Variants in HHIP observed in about 807,000 individuals in gnomAD.
HHIP encodes hedgehog interacting protein.
Under a neutral mutation model 74.0 loss-of-function variants are expected in HHIP, and 12 were observed. That is an observed-to-expected ratio of 0.16 (90% CI 0.10 to 0.26). The LOEUF (loss-of-function observed/expected upper bound fraction) is 0.26, where lower values mean the gene tolerates loss of function less well. Among genes scored for constraint, HHIP ranks in the 10% least tolerant of loss-of-function variants. HHIP has a pLI of 1.00. For synonymous variants in HHIP, 309 were observed against 311.6 expected (o/e 0.99, Z 0.09); for missense variants, 788 against 845.0 (o/e 0.93, Z 0.84).
At chr4:144,708,987 G>T (rs1164369317) in intron 7 of HHIP, among the ~76,000 whole-genome samples, 1 of 152,098 alleles carries the variant, frequency 6.6e-6, no homozygotes, top group Non-Finnish European at 1.5e-5. Flanking sequence ...TGGGAAATTT[G>T]GGGTACATTT....
chr4:144,729,114 C>A (rs1008974488), intron 11 of HHIP, among the ~76,000 whole-genome samples: 1 of 152,142 alleles, frequency 6.6e-6, no homozygotes, highest in Non-Finnish European at 1.5e-5. Context: ...AAAAAGATGA[C>A]ACAGCAAGTA....
chr4:144,703,255 T>G (rs531775382), intron 4 of HHIP, among the ~76,000 whole-genome samples: 2 of 152,256 alleles, frequency 1.3e-5, no homozygotes, highest in African/African-American at 4.8e-5. Flanking sequence ...AGTGTCTTTT[T>G]GAAAGGCAAG....
intron 11 of HHIP, among the ~76,000 whole-genome samples, chr4:144,730,140 G>A (rs1730914307): frequency 6.6e-6 from 1 of 152,066 alleles, no homozygotes; most frequent in Admixed American, 6.6e-5. Flanking sequence ...ACCTCTAATG[G>A]ATGTTATAAA....
chr4:144,718,458 C>G (rs1169806748), intron 10 of HHIP, among the ~76,000 whole-genome samples: 1 of 152,142 alleles, frequency 6.6e-6, no homozygotes, highest in Non-Finnish European at 1.5e-5. Flanking sequence ...TCAGGACTTG[C>G]TTTTGCTCTG....
intron 2 of HHIP, among the ~76,000 whole-genome samples, chr4:144,656,420 G>C (rs570042583): frequency 2.0e-5 from 3 of 152,032 alleles, no homozygotes; most frequent in Admixed American, 2.0e-4. Context: ...TAGATATTCC[G>C]TTTGAAAATG....
chr4:144,649,359 T>C (rs560711933), intron 1 of HHIP, among the ~76,000 whole-genome samples: 3 of 152,272 alleles, frequency 2.0e-5, no homozygotes, highest in Non-Finnish European at 4.4e-5. Flanking sequence ...AATATTAGCA[T>C]GCTCAGCTAT....
intron 12 of HHIP, among the ~76,000 whole-genome samples, chr4:144,736,952 A>G (rs990104401): frequency 6.6e-6 from 1 of 152,110 alleles, no homozygotes; most frequent in African/African-American, 2.4e-5. Flanking sequence ...TCGTCAAAAC[A>G]TAAGGAAATG....
chr4:144,714,393 A>T, intron 9 of HHIP, 45 bp downstream of exon 9: 1 of 1,594,024 alleles, frequency 6.3e-7, no homozygotes, highest in Non-Finnish European at 8.6e-7. Context: ...CAAATGACAT[A>T]TCCATTAATC....
chr4:144,667,096 C>T (rs1246669236), intron 4 of HHIP, among the ~76,000 whole-genome samples: 1 of 152,148 alleles, frequency 6.6e-6, no homozygotes, highest in Admixed American at 6.5e-5. Context: ...CACTTCCAAT[C>T]CCAGCATTTT....
chr4:144,707,372 A>G, intron 6 of HHIP, 112 bp downstream of exon 6: 1 of 839,310 alleles, frequency 1.2e-6, no homozygotes, highest in Non-Finnish European at 1.8e-6. Flanking sequence ...CACCTTGGTT[A>G]AATACTTAAC....
chr4:144,712,118 C>G, intron 8 of HHIP, 47 bp downstream of exon 8: 1 of 1,545,090 alleles, frequency 6.5e-7, no homozygotes, highest in Non-Finnish European at 8.9e-7. Context: ...CAAGTTTTGT[C>G]TTAGTATATT....
rs7679514 is a variant in HHIP at position 144,704,799 on chromosome 4, A to G, written c.832-1732A>G. On this transcript the variant is annotated intron_variant, in intron 4 of 12. Transcript: ENST00000296575. ...CTCGGGCCTCGTTAGACAATCCGTC[A>G]AGGAGGTTCAAATGTGCAGTGGCTT... 9.5e-3 allele frequency among the ~76,000 whole-genome samples: 1,441 copies of G among 152,352 alleles called. 19 individuals carry two copies. Among genetic ancestry groups the G allele is most frequent in the African/African-American group, 0.033 (1,388 of 41,592 alleles).
chr4:144,683,437 G>A (rs562046667), intron 4 of HHIP, among the ~76,000 whole-genome samples: 19 of 152,278 alleles, frequency 1.2e-4, no homozygotes, highest in Admixed American at 7.8e-4. Context: ...ATGGTAAAGA[G>A]TTAACAAAAG....
At chr4:144,736,294 C>T (rs1325301669) in intron 12 of HHIP, among the ~76,000 whole-genome samples, 1 of 151,946 alleles carries the variant, frequency 6.6e-6, no homozygotes, top group Non-Finnish European at 1.5e-5. Context: ...CACCACCATG[C>T]CCTCCTAATT....
chr4:144,664,067 C>A (rs763141524), intron 4 of HHIP, among the ~76,000 whole-genome samples: 1 of 152,226 alleles, frequency 6.6e-6, no homozygotes, highest in Non-Finnish European at 1.5e-5. Flanking sequence ...ACACCCTCAG[C>A]AGCCCTCGGC....
rs1578733451 is a variant in HHIP, at chr4:144,734,868, G to A, written c.1888G>A (p.Glu630Lys). Reference protein sequence around the residue: ...TGKCCCSPGWEGDFCRTAKCE... With the variant: ...TGKCCCSPGWKGDFCRTAKCE... ...AAAGTGCTGCTGCAGTCCAGGCTGG[G>A]AGGGGGACTTCTGCAGAACTGGTTA... The change falls in exon 12 of 13, where the codon GAG becomes AAG. Residue 630 changes from glutamate to lysine, a missense_variant. Transcript: ENST00000296575. 4 of 1,611,460 alleles carry A rather than the reference G, an allele frequency of 2.5e-6. No individual in the cohort carries two copies. The East Asian group carries it at 6.7e-5, about 27-fold the overall frequency.
intron 11 of HHIP, among the ~76,000 whole-genome samples, chr4:144,726,972 T>C (rs549647806): frequency 6.6e-6 from 1 of 152,318 alleles, no homozygotes; most frequent in South Asian, 2.1e-4. Flanking sequence ...GCCCAAACTT[T>C]CTTCCAAGGT....
In HHIP at chr4:144,646,808, C is replaced by G; in HGVS notation, c.133C>G (p.Pro45Ala). The part of the protein sequence containing the change: ...RRRRCLNGNP[P>A]KRLKRRDRRM... The stretch of plus-strand genomic sequence containing the variant: ...GAGAAGGTGCCTGAATGGGAACCCC[C>G]CGAAGCGCCTGAAAAGGAGAGACAG... Residue 45 changes from proline to alanine, a missense_variant, in exon 1 of 13, where the codon CCG becomes GCG. By Grantham distance (27) the Pro-to-Ala change is conservative. Coordinates refer to ENST00000296575, the MANE Select transcript of HHIP (RefSeq NM_022475.3). The G allele has an allele frequency of 1.2e-6, 2 of 1,614,200 alleles. No homozygotes were observed. The highest frequency in any genetic ancestry group is 1.1e-5 in the South Asian group (1 of 91,078).
intron 4 of HHIP, among the ~76,000 whole-genome samples, chr4:144,670,267 C>A (rs1423704208): frequency 6.6e-6 from 1 of 151,728 alleles, no homozygotes; most frequent in East Asian, 1.9e-4. Flanking sequence ...GCTCAATCAG[C>A]CTGGCCCACA....
Sources: gnomAD v4.1 joint callset for allele counts (sites outside exome capture counted in the v4.1 genomes callset) on GRCh38, gnomAD v4.1.1 for gene constraint, MANE v1.5 for transcripts, NCBI Gene and HGNC (gene_info 2026-07-23, HGNC 2026-07-21) for gene names.